The following RYK variants were observed in gnomAD, a reference collection of about 807,000 sequenced individuals.
The protein encoded by RYK is receptor like tyrosine kinase.
A neutral mutation model predicts 70.2 loss-of-function variants in RYK; 21 were observed. The ratio of observed to expected loss-of-function variants is 0.30; its 90% CI spans 0.21 to 0.43. RYK has a LOEUF of 0.43. Among genes scored for constraint, RYK ranks in the 20% least tolerant of loss-of-function variants. RYK has a pLI of 1.00. For missense variants in RYK, 604 were observed against 753.3 expected, an observed-to-expected ratio of 0.80 and a Z score of 2.32; for synonymous variants, 267 against 278.0, an observed-to-expected ratio of 0.96 and a Z score of 0.39.
intron 8 of RYK, among the ~76,000 whole-genome samples, chr3:134,191,353 T>C (rs149048974): frequency 3.3e-5 from 5 of 152,300 alleles, no homozygotes; most frequent in African/African-American, 1.2e-4. Context: ...GTCTAAGAGA[T>C]GACAACGCAG....
chr3:134,235,350 T>C lies in RYK; in HGVS notation c.233-12811A>G, dbSNP rs546572104. Among the ~76,000 whole-genome samples the C allele has an allele frequency of 5.9e-4, 90 of 152,246 alleles. 1 individual carries two copies. The highest frequency in any genetic ancestry group is 5.8e-3 in the Admixed American group (89 of 15,278). ...TTTTCCAAATAGTCTATAATGAGTA[T>C]ATTTTCTAGTCTATATCTTTTCCTG... On this transcript the variant is annotated intron_variant, in intron 1 of 14. Transcript: ENST00000623711.
At chr3:134,177,527 TC>T (rs2013146194) in intron 11 of RYK, among the ~76,000 whole-genome samples, 1 of 152,146 alleles carries the variant, frequency 6.6e-6, no homozygotes, top group African/African-American at 2.4e-5. Flanking sequence ...TAACAATACA[TC>T]CAATTATCTC....
chr3:134,163,912 T>C (rs1260812602), intron 13 of RYK, among the ~76,000 whole-genome samples: 2 of 152,234 alleles, frequency 1.3e-5, no homozygotes, highest in Non-Finnish European at 2.9e-5. Context: ...GGAGAAGAAT[T>C]ATCTGGGGTG....
At chr3:134,230,639 G>C (rs1250449822) in intron 1 of RYK, among the ~76,000 whole-genome samples, 1 of 152,158 alleles carries the variant, frequency 6.6e-6, no homozygotes, top group African/African-American at 2.4e-5. Context: ...ATAGAAATCA[G>C]GTCAGTGGTG....
chr3:134,175,540 ATAGTAG>A, intron 13 of RYK, 63 bp downstream of exon 13: 1 of 1,529,984 alleles, frequency 6.5e-7, no homozygotes, highest in Non-Finnish European at 8.8e-7. Flanking sequence ...AAAGATAAAA[ATAGTAG>A]AACATTTAAA....
chr3:134,209,852 A>C, intron 3 of RYK, 23 bp from the exon 4 acceptor site: 4 of 1,427,712 alleles, frequency 2.8e-6, no homozygotes, highest in Middle Eastern at 3.5e-4. Flanking sequence ...GATAAGAAAA[A>C]TATTTTACAT....
chr3:134,191,748 T>TA (rs1348429959), intron 8 of RYK, 101 bp downstream of exon 8: 3 of 918,490 alleles, frequency 3.3e-6, no homozygotes, highest in Admixed American at 6.4e-5. Context: ...ATCCTTATCT[T>TA]AGACACAAAA....
intron 8 of RYK, among the ~76,000 whole-genome samples, chr3:134,189,166 T>C (rs1037380979): frequency 2.6e-5 from 4 of 152,230 alleles, no homozygotes; most frequent in Non-Finnish European, 5.9e-5. Context: ...TATGAAAATT[T>C]TCCTGAATTA....
intron 7 of RYK, among the ~76,000 whole-genome samples, chr3:134,192,590 CTTAAT>C (rs2013680187): frequency 6.6e-6 from 1 of 152,002 alleles, no homozygotes. Flanking sequence ...CCCATTCATT[CTTAAT>C]TCAATGACAG....
At chr3:134,205,846 A>C (rs2014197758) in intron 5 of RYK, among the ~76,000 whole-genome samples, 1 of 152,186 alleles carries the variant, frequency 6.6e-6, no homozygotes, top group South Asian at 2.1e-4. Context: ...CCCCCGAGGA[A>C]AGGATCTCTT....
chr3:134,189,629 C>T (rs2013580780), intron 8 of RYK, among the ~76,000 whole-genome samples: 1 of 150,480 alleles, frequency 6.6e-6, no homozygotes, highest in East Asian at 2.0e-4. Flanking sequence ...AAAAATTAGC[C>T]GGGCGTGGGA....
At chr3:134,194,526 A>G (rs1314647234) in intron 7 of RYK, among the ~76,000 whole-genome samples, 1 of 152,210 alleles carries the variant, frequency 6.6e-6, no homozygotes, top group Non-Finnish European at 1.5e-5. Flanking sequence ...CATGGGAGAC[A>G]GTACTGGAAA....
Position 134,222,472 on chromosome 3 carries a change from C to A in RYK, c.300G>T (p.Leu100=), listed in dbSNP as rs752984003. Residue 100 remains leucine, a synonymous_variant, in exon 2 of 15, where the codon CTG becomes CTT. Coordinates refer to ENST00000623711, the MANE Select transcript of RYK (RefSeq NM_002958.4). ...LISHYALSFS[L]LVPSETNFLH... is the part of the protein sequence containing the mutation. ...GGAAATTTGTCTCACTGGGTACTAA[C>A]AGACTAAAGGATAGAGCGTAGTGAC... The A allele has an allele frequency of 4.3e-6, 7 of 1,613,442 alleles. No homozygotes were observed. Among genetic ancestry groups the A allele is most frequent in the Non-Finnish European group, 5.9e-6 (7 of 1,179,610 alleles).
intron 1 of RYK, among the ~76,000 whole-genome samples, chr3:134,239,307 T>G (rs559654178): frequency 4.9e-4 from 75 of 151,744 alleles, no homozygotes; most frequent in African/African-American, 1.8e-3. Context: ...AAAAAAAAAT[T>G]TTTATATTAG....
chr3:134,198,692 C>T (rs1029051335), intron 6 of RYK, among the ~76,000 whole-genome samples: 4 of 152,172 alleles, frequency 2.6e-5, no homozygotes, highest in Non-Finnish European at 4.4e-5. Context: ...AAACATAAAC[C>T]AGACAGAATG....
chr3:134,175,797 G>T, intron 12 of RYK, 29 bp from the exon 13 acceptor site: 1 of 1,611,134 alleles, frequency 6.2e-7, no homozygotes, highest in Non-Finnish European at 8.5e-7. Flanking sequence ...AACATCAAAT[G>T]CAATCAGAGT....
chr3:134,233,456 A>T (rs1461888292), intron 1 of RYK, among the ~76,000 whole-genome samples: 1 of 152,218 alleles, frequency 6.6e-6, no homozygotes, highest in East Asian at 1.9e-4. Flanking sequence ...TGACCCAATA[A>T]TTCCATTACT....
At chr3:134,222,822 G>T (rs976892446) in intron 1 of RYK, among the ~76,000 whole-genome samples, 1 of 152,168 alleles carries the variant, frequency 6.6e-6, no homozygotes, top group Non-Finnish European at 1.5e-5. Flanking sequence ...TCTTCTGAGG[G>T]CCAGTGTGAT....
At chr3:134,172,797 A>C (rs886861769) in intron 13 of RYK, among the ~76,000 whole-genome samples, 3 of 152,216 alleles carry the variant, frequency 2.0e-5, no homozygotes, top group Non-Finnish European at 4.4e-5. Context: ...GGAAAAACAG[A>C]CCAGGACTAG....
Sources: gnomAD v4.1 joint callset for allele counts (sites outside exome capture counted in the v4.1 genomes callset) on GRCh38, gnomAD v4.1.1 for gene constraint, MANE v1.5 for transcripts, NCBI Gene and HGNC (gene_info 2026-07-23, HGNC 2026-07-21) for gene names.